ITGA1: variants seen among roughly 807,000 people sequenced by gnomAD.
ITGA1 encodes the protein integrin alpha-1.
A neutral mutation model predicts 145.9 loss-of-function variants in ITGA1; 85 were observed. The observed-to-expected ratio is 0.58, with a 90% CI of 0.49 to 0.70. The LOEUF (loss-of-function observed/expected upper bound fraction) is 0.70, where lower values mean the gene tolerates loss of function less well. Among genes scored for constraint, ITGA1 ranks in the 30% least tolerant of loss-of-function variants. The pLI, the probability that ITGA1 is intolerant of heterozygous loss-of-function variation, is 0.00. For missense variants in ITGA1, 1,351 were observed against 1,418.7 expected, an observed-to-expected ratio of 0.95 and a Z score of 0.77; for synonymous variants, 520 against 495.3, an observed-to-expected ratio of 1.05 and a Z score of -0.66.
At chr5:52,950,612 A>G (rs1751204627) in intron 28 of ITGA1, among the ~76,000 whole-genome samples, 1 of 152,216 alleles carries the variant, frequency 6.6e-6, no homozygotes, top group African/African-American at 2.4e-5. Flanking sequence ...GGCCCAGTCC[A>G]TCTTGAAGCT....
chr5:52,788,264 GA>G lies in ITGA1; in HGVS notation c.-89del. On this transcript the variant is annotated 5_prime_UTR_variant, in exon 1 of 29. Coordinates refer to ENST00000282588, the MANE Select transcript of ITGA1 (RefSeq NM_181501.2). ...AGAGGACTGGGAACCGCGGCAGCGG[GA>G]TAAGTGGCCCAGCCAGAGAGCGCAG... is the stretch of plus-strand genomic sequence containing the variant. The G allele has an allele frequency of 9.7e-7, 1 of 1,026,462 alleles. No individual in the cohort carries two copies. Among genetic ancestry groups the G allele is most frequent in the Non-Finnish European group, 1.3e-6 (1 of 754,278 alleles). The allele number at this position is 1,026,462 out of a possible 1,614,324, so 63.6% of individuals were successfully genotyped here.
intron 1 of ITGA1, among the ~76,000 whole-genome samples, chr5:52,843,699 G>T (rs1230454623): frequency 6.6e-6 from 1 of 152,050 alleles, no homozygotes; most frequent in East Asian, 1.9e-4. Flanking sequence ...TTGTGAGCTG[G>T]GTTGTTATTT....
At chr5:52,872,057 A>G (rs1377062652) in intron 6 of ITGA1, among the ~76,000 whole-genome samples, 1 of 152,244 alleles carries the variant, frequency 6.6e-6, no homozygotes. Flanking sequence ...GCTTGATATA[A>G]AAGTGAAATA....
chr5:52,834,964 A>G (rs927862025), intron 1 of ITGA1, among the ~76,000 whole-genome samples: 1 of 152,200 alleles, frequency 6.6e-6, no homozygotes, highest in Non-Finnish European at 1.5e-5. Context: ...AGGACAAAGA[A>G]GAAAGGTAGA....
intron 9 of ITGA1, among the ~76,000 whole-genome samples, chr5:52,895,862 T>C (rs1750215729): frequency 6.6e-6 from 1 of 152,208 alleles, no homozygotes; most frequent in African/African-American, 2.4e-5. Flanking sequence ...AGACTATTTC[T>C]TATTTTTTTC....
rs777412410 is a variant in ITGA1 at position 52,925,239 on chromosome 5, A to G, written c.2404-39A>G. The G allele has an allele frequency of 6.7e-6, 10 of 1,493,382 alleles. No homozygotes were observed. The Admixed American group carries it at 1.3e-4, about 20-fold the overall frequency. The allele number at this position is 1,493,382 out of a possible 1,614,324, so 92.5% of individuals were successfully genotyped here. ...TGATGGGTAATTTTCAACAATGCGTAGCTAAATTTTGAAAAATTCTTTCCT... is the reference window on the plus strand; with the variant it reads ...TGATGGGTAATTTTCAACAATGCGTGGCTAAATTTTGAAAAATTCTTTCCT... On this transcript the variant is annotated intron_variant, in intron 18 of 28. Coordinates refer to ENST00000282588, the MANE Select transcript of ITGA1 (RefSeq NM_181501.2).
rs567990164 is a variant in ITGA1 at position 52,818,639 on chromosome 5, G to T, written c.61+30225G>T. Reference sequence around the variant, plus strand: ...TCTCCAGGAAGAGATTATAAATAATGAAATGATTAGACCATTAGAGAATTT... The same window carrying T: ...TCTCCAGGAAGAGATTATAAATAATTAAATGATTAGACCATTAGAGAATTT... On this transcript the variant is annotated intron_variant, in intron 1 of 28. Transcript: ENST00000282588. Among the ~76,000 whole-genome samples, 7 of 152,240 alleles carry T rather than the reference G, an allele frequency of 4.6e-5. No individual in the cohort carries two copies. The South Asian group carries it at 1.4e-3, about 32-fold the overall frequency.
intron 2 of ITGA1, among the ~76,000 whole-genome samples, chr5:52,849,702 T>A (rs1749399331): frequency 6.6e-6 from 1 of 152,232 alleles, no homozygotes; most frequent in Non-Finnish European, 1.5e-5. Context: ...TTTCTGTTGA[T>A]GCCTGGATTG....
At chr5:52,862,661 T>A (rs1423662269) in intron 3 of ITGA1, among the ~76,000 whole-genome samples, 1 of 152,180 alleles carries the variant, frequency 6.6e-6, no homozygotes, top group Non-Finnish European at 1.5e-5. Context: ...AATAGATAAA[T>A]TTAATTTTAA....
At chr5:52,922,683 GC>G in intron 17 of ITGA1, 93 bp from the exon 18 acceptor site, 1 of 800,810 alleles carries the variant, frequency 1.2e-6, no homozygotes, top group Non-Finnish European at 2.1e-6. Context: ...GCTGCAGTAA[GC>G]CTGACCCTTG....
chr5:52,856,754 T>G (rs1447322391), intron 2 of ITGA1, among the ~76,000 whole-genome samples: 1 of 152,008 alleles, frequency 6.6e-6, no homozygotes, highest in African/African-American at 2.4e-5. Flanking sequence ...CCTGTTTCAG[T>G]TAACTATTGC....
intron 16 of ITGA1, among the ~76,000 whole-genome samples, chr5:52,919,123 C>G (rs1205941278): frequency 6.6e-6 from 1 of 152,070 alleles, no homozygotes; most frequent in Admixed American, 6.6e-5. Flanking sequence ...ATGCAGTGCC[C>G]TCAACACTCC....
intron 1 of ITGA1, among the ~76,000 whole-genome samples, chr5:52,812,057 A>G (rs1009277967): frequency 6.6e-6 from 1 of 152,216 alleles, no homozygotes; most frequent in African/African-American, 2.4e-5. Context: ...GAGTAGGACT[A>G]TTAGCTTTAA....
At chr5:52,917,893 G>T (rs557732944) in intron 15 of ITGA1, among the ~76,000 whole-genome samples, 1 of 151,972 alleles carries the variant, frequency 6.6e-6, no homozygotes, top group African/African-American at 2.4e-5. Context: ...TTTTTTTAAT[G>T]CAAAAGCATA....
rs138169465 is a variant in ITGA1, at chr5:52,814,208, G to A, written c.61+25794G>A. Among the ~76,000 whole-genome samples the A allele has an allele frequency of 5.9e-3, 899 of 152,240 alleles. 11 individuals carry two copies. Among genetic ancestry groups the A allele is most frequent in the African/African-American group, 0.021 (866 of 41,534 alleles). On this transcript the variant is annotated intron_variant, in intron 1 of 28. Transcript: ENST00000282588. ...GTCACCCAGGCTGGAGTGCAGTGGC[G>A]CGATCTCAGCTCACTGCAACCTCAG...
intron 6 of ITGA1, among the ~76,000 whole-genome samples, chr5:52,871,332 C>T: frequency 6.6e-6 from 1 of 152,074 alleles, no homozygotes. Flanking sequence ...AAAAAAAAGT[C>T]ATAAGATATT....
At chr5:52,841,364 T>C (rs1749251672) in intron 1 of ITGA1, among the ~76,000 whole-genome samples, 2 of 152,216 alleles carry the variant, frequency 1.3e-5, no homozygotes, top group African/African-American at 4.8e-5. Flanking sequence ...GCCAAGGCCC[T>C]ATAATTATTT....
Position 52,925,356 on chromosome 5 carries a change from G to A in ITGA1, c.2482G>A (p.Asp828Asn). The change falls in exon 19 of 29, where the codon GAC (aspartate) becomes AAC (asparagine). Residue 828 changes from aspartate (D) to asparagine (N), a missense_variant. By Grantham distance (23) the Asp-to-Asn change is conservative. Coordinates refer to ENST00000282588, the MANE Select transcript of ITGA1 (RefSeq NM_181501.2). ...LSLHVATTEK[D>N]LLIVRSQNDK... ...CCTGCATGTCGCCACCACTGAAAAGGACCTGCTGATTGTCCGATCCCAGAA... is the reference window on the plus strand; with the variant it reads ...CCTGCATGTCGCCACCACTGAAAAGAACCTGCTGATTGTCCGATCCCAGAA... The A allele has an allele frequency of 6.2e-7, 1 of 1,614,078 alleles. No individual in the cohort carries two copies. Among genetic ancestry groups the A allele is most frequent in the Non-Finnish European group, 8.5e-7 (1 of 1,179,956 alleles).
At chr5:52,847,622 G>A (rs899299915) in intron 1 of ITGA1, among the ~76,000 whole-genome samples, 2 of 152,108 alleles carry the variant, frequency 1.3e-5, no homozygotes, top group Admixed American at 6.6e-5. Flanking sequence ...GCACAATCTT[G>A]GCTCACTGCA....
Sources: allele counts gnomAD v4.1 joint callset (sites outside exome capture counted in the v4.1 genomes callset), GRCh38; gene constraint gnomAD v4.1.1; transcripts MANE v1.5; gene names NCBI Gene and HGNC (gene_info 2026-07-23, HGNC 2026-07-21).